Variants in XRCC4 observed in about 807,000 individuals in gnomAD.
XRCC4 encodes the protein X-ray repair cross complementing 4, also known as DNA repair protein XRCC4.
XRCC4 carries 28 observed loss-of-function variants against 39.1 expected under a neutral mutation model. The observed-to-expected ratio is 0.72, with a 90% CI of 0.53 to 0.98. The LOEUF (loss-of-function observed/expected upper bound fraction) is 0.98. Ranked by LOEUF, XRCC4 falls within the 50% of genes least tolerant of loss-of-function variation. The probability of loss-of-function intolerance (pLI) is 0.00; values close to 1 mark genes in which losing one functional copy is unlikely to be tolerated. For missense variants in XRCC4, 350 were observed against 376.4 expected (o/e 0.93, Z 0.58); for synonymous variants, 123 against 126.4 (o/e 0.97, Z 0.18).
intron 7 of XRCC4, among the ~76,000 whole-genome samples, chr5:83,264,848 TAGAG>T (rs978061238): frequency 3.2e-4 from 49 of 152,312 alleles, no homozygotes; most frequent in Non-Finnish European, 5.9e-4. Flanking sequence ...ACTTTATATA[TAGAG>T]AGAGTTATAC....
At chr5:83,120,491 C>T (rs1036814869) in intron 3 of XRCC4, among the ~76,000 whole-genome samples, 1 of 152,156 alleles carries the variant, frequency 6.6e-6, no homozygotes, top group African/African-American at 2.4e-5. Flanking sequence ...TGCTTTCTTT[C>T]GTTATAGATC....
chr5:83,170,284 T>G (rs942184324), intron 3 of XRCC4, among the ~76,000 whole-genome samples: 4 of 152,204 alleles, frequency 2.6e-5, no homozygotes, highest in African/African-American at 9.6e-5. Flanking sequence ...CTATGTAATT[T>G]AAAATTTTAT....
chr5:83,231,018 A>C (rs903897597), intron 6 of XRCC4, among the ~76,000 whole-genome samples: 3 of 151,928 alleles, frequency 2.0e-5, no homozygotes, highest in African/African-American at 7.2e-5. Flanking sequence ...CATACTTCTG[A>C]TTTCAGTGTC....
intron 6 of XRCC4, among the ~76,000 whole-genome samples, chr5:83,223,455 T>A (rs911761787): frequency 6.6e-6 from 1 of 151,480 alleles, no homozygotes; most frequent in African/African-American, 2.4e-5. Flanking sequence ...TTAATCATTA[T>A]ATAATTACCT....
intron 1 of XRCC4, among the ~76,000 whole-genome samples, chr5:83,089,419 C>T (rs1297027196): frequency 1.3e-5 from 2 of 152,090 alleles, no homozygotes; most frequent in African/African-American, 2.4e-5. Context: ...TTTTTTCCCC[C>T]AGTGGGGGAA....
At chr5:83,309,303 A>ATATATATATATATATG (rs1210046843) in intron 7 of XRCC4, among the ~76,000 whole-genome samples, 8 of 119,276 alleles carry the variant, frequency 6.7e-5, no homozygotes, top group African/African-American at 2.4e-4. Context: ...AAAAATATAT[A>ATATATATATATATATG]TATATATATA....
intron 7 of XRCC4, among the ~76,000 whole-genome samples, chr5:83,348,531 G>T (rs1470767843): frequency 6.6e-6 from 1 of 152,234 alleles, no homozygotes; most frequent in African/African-American, 2.4e-5. Context: ...ACAATGCAGG[G>T]TGCCATGTCC....
intron 7 of XRCC4, among the ~76,000 whole-genome samples, chr5:83,269,597 T>C (rs1754068050): frequency 6.6e-6 from 1 of 150,840 alleles, no homozygotes; most frequent in South Asian, 2.1e-4. Flanking sequence ...TAACCTGAAA[T>C]TGGGAATTCA....
At position 83,287,326 on chromosome 5, in the gene XRCC4, TACAA is replaced by T. The variant is rs1249723623; in HGVS notation, c.893+28654_893+28657del. Among the ~76,000 whole-genome samples, 80 of 152,074 alleles carry T rather than the reference TACAA, an allele frequency of 5.3e-4. 1 individual carries two copies. Among genetic ancestry groups the T allele is most frequent in the Non-Finnish European group, 4.4e-5 (3 of 67,962 alleles). ...TGGCCGAAGCTTAGCCATCTTGGTTTACAAACAATCTAAAACCCAATATCCTAGT... is the reference window on the plus strand; with the variant it reads ...TGGCCGAAGCTTAGCCATCTTGGTTTACAATCTAAAACCCAATATCCTAGT... On this transcript the variant is annotated intron_variant, in intron 7 of 7. Coordinates refer to ENST00000396027, the MANE Select transcript of XRCC4 (RefSeq NM_003401.5).
chr5:83,262,838 C>CT (rs72274529), intron 7 of XRCC4, among the ~76,000 whole-genome samples: 53,999 of 119,360 alleles, frequency 0.45, 12,112 homozygotes, highest in East Asian at 0.79. Flanking sequence ...TTATCACAGT[C>CT]TTTTTTTTTT....
chr5:83,342,310 T>C (rs1265291798), intron 7 of XRCC4, among the ~76,000 whole-genome samples: 1 of 152,222 alleles, frequency 6.6e-6, no homozygotes, highest in Admixed American at 6.5e-5. Context: ...TGGTTGACTT[T>C]AAAATTTGAA....
At chr5:83,175,598 G>A (rs1389219342) in intron 3 of XRCC4, among the ~76,000 whole-genome samples, 2 of 152,020 alleles carry the variant, frequency 1.3e-5, no homozygotes, top group East Asian at 1.9e-4. Flanking sequence ...TTGAGGGCCA[G>A]GAGTTTGATT....
chr5:83,084,000 GT>G (rs1745075421), intron 1 of XRCC4, among the ~76,000 whole-genome samples: 3 of 152,106 alleles, frequency 2.0e-5, no homozygotes. Flanking sequence ...TTATAATTCT[GT>G]TTGGGTGTCT....
At chr5:83,188,672 G>C (rs1220299004) in intron 3 of XRCC4, among the ~76,000 whole-genome samples, 2 of 152,148 alleles carry the variant, frequency 1.3e-5, no homozygotes, top group Admixed American at 1.3e-4. Flanking sequence ...GTGGGGGCAA[G>C]ATAGAGAGAA....
intron 1 of XRCC4, among the ~76,000 whole-genome samples, chr5:83,100,880 A>G (rs896643871): frequency 7.2e-5 from 11 of 152,178 alleles, no homozygotes. Context: ...CATTAAATGT[A>G]TTGACTAATT....
chr5:83,133,471 G>T (rs6452522), intron 3 of XRCC4, among the ~76,000 whole-genome samples: 73,679 of 152,054 alleles, frequency 0.48, 18,827 homozygotes, highest in African/African-American at 0.63. Flanking sequence ...TGTTTAGCTA[G>T]GCCCTGCCCC....
intron 1 of XRCC4, among the ~76,000 whole-genome samples, chr5:83,099,848 T>C (rs746502021): frequency 7.6e-4 from 115 of 152,142 alleles, no homozygotes; most frequent in Non-Finnish European, 1.1e-3. Context: ...TCAAGTAGTC[T>C]TGGGGCAAAA....
chr5:83,080,525 CA>C (rs33921507), intron 1 of XRCC4, among the ~76,000 whole-genome samples: 2,449 of 128,212 alleles, frequency 0.019, 39 homozygotes, highest in East Asian at 0.1. Context: ...GACTCCATCT[CA>C]AAAAAAAAAA....
chr5:83,291,292 A>G (rs1754912818), intron 7 of XRCC4, among the ~76,000 whole-genome samples: 1 of 151,936 alleles, frequency 6.6e-6, no homozygotes, highest in Non-Finnish European at 1.5e-5. Flanking sequence ...TCAACCATAA[A>G]TGGGAATACT....
Sources: allele counts gnomAD v4.1 joint callset (sites outside exome capture counted in the v4.1 genomes callset), GRCh38; gene constraint gnomAD v4.1.1; transcripts MANE v1.5; gene names NCBI Gene and HGNC (gene_info 2026-07-23, HGNC 2026-07-21).